The following CCSER1 variants were observed in gnomAD, a reference collection of about 807,000 sequenced individuals.
The protein encoded by CCSER1 is serine-rich coiled-coil domain-containing protein 1.
A neutral mutation model predicts 82.0 loss-of-function variants in CCSER1; 41 were observed. That is an observed-to-expected ratio of 0.50 (90% CI 0.39 to 0.65). The LOEUF (loss-of-function observed/expected upper bound fraction) is 0.65. Ranked by LOEUF, CCSER1 falls within the 30% of genes least tolerant of loss-of-function variation. The probability of loss-of-function intolerance (pLI) is 0.00; values close to 1 mark genes in which losing one functional copy is unlikely to be tolerated. For synonymous variants in CCSER1, 414 were observed against 383.9 expected (o/e 1.08, Z -0.92); for missense variants, 1,119 against 1,064.2 (o/e 1.05, Z -0.72).
chr4:91,194,478 G>A (rs1036649855), intron 10 of CCSER1, among the ~76,000 whole-genome samples: 2 of 152,092 alleles, frequency 1.3e-5, no homozygotes, highest in African/African-American at 4.8e-5. Flanking sequence ...TTTCAAATCT[G>A]AGTTAATAAT....
intron 10 of CCSER1, among the ~76,000 whole-genome samples, chr4:91,482,259 G>A (rs1374736485): frequency 5.8e-5 from 7 of 120,310 alleles, no homozygotes; most frequent in Admixed American, 2.5e-4. Context: ...AAAATTAGCC[G>A]GGCGCGGTGG....
intron 5 of CCSER1, among the ~76,000 whole-genome samples, chr4:90,603,189 A>G: frequency 6.6e-6 from 1 of 152,256 alleles, no homozygotes; most frequent in African/African-American, 2.4e-5. Context: ...AAGCGTATGC[A>G]GTGGCTGGAG....
chr4:90,699,429 T>C (rs1737604480), intron 6 of CCSER1, among the ~76,000 whole-genome samples: 1 of 152,094 alleles, frequency 6.6e-6, no homozygotes, highest in Non-Finnish European at 1.5e-5. Context: ...CAAGCAATGT[T>C]AATGGGCAGT....
At chr4:91,066,887 T>C (rs971764286) in intron 9 of CCSER1, among the ~76,000 whole-genome samples, 2 of 150,098 alleles carry the variant, frequency 1.3e-5, no homozygotes, top group African/African-American at 4.9e-5. Flanking sequence ...CCTGTCCCGC[T>C]GGGCGTGGTG....
chr4:90,594,555 C>G (rs1297518241), intron 5 of CCSER1, among the ~76,000 whole-genome samples: 1 of 152,044 alleles, frequency 6.6e-6, no homozygotes, highest in Admixed American at 6.6e-5. Flanking sequence ...ATTGGGGAAG[C>G]AGTGATTTTG....
At chr4:90,424,886 G>T (rs1354007025) in intron 4 of CCSER1, among the ~76,000 whole-genome samples, 1 of 152,170 alleles carries the variant, frequency 6.6e-6, no homozygotes, top group African/African-American at 2.4e-5. Context: ...TTTGTGAATA[G>T]CACCAACATC....
intron 10 of CCSER1, among the ~76,000 whole-genome samples, chr4:91,178,577 T>C (rs916835660): frequency 5.3e-5 from 8 of 152,170 alleles, no homozygotes; most frequent in African/African-American, 1.4e-4. Context: ...CTTCCTTCTC[T>C]TTTGATCTTT....
chr4:90,918,546 A>G (rs1727865757), intron 8 of CCSER1, among the ~76,000 whole-genome samples: 1 of 150,174 alleles, frequency 6.7e-6, no homozygotes, highest in African/African-American at 2.5e-5. Flanking sequence ...GTGCTTCCTC[A>G]GCGGCGTGTA....
At chr4:90,420,776 G>A (rs1182395784) in intron 4 of CCSER1, among the ~76,000 whole-genome samples, 1 of 152,000 alleles carries the variant, frequency 6.6e-6, no homozygotes, top group African/African-American at 2.4e-5. Flanking sequence ...ATTTCCTACT[G>A]ACATAAACTC....
intron 6 of CCSER1, among the ~76,000 whole-genome samples, chr4:90,657,408 A>G (rs1401331746): frequency 6.6e-6 from 1 of 151,916 alleles, no homozygotes; most frequent in African/African-American, 2.4e-5. Context: ...TGTTTATGTT[A>G]TTTACATCTG....
chr4:91,140,815 C>A (rs1029145583), intron 10 of CCSER1, among the ~76,000 whole-genome samples: 2 of 152,022 alleles, frequency 1.3e-5, no homozygotes, highest in Non-Finnish European at 1.5e-5. Context: ...TTTTAAATTT[C>A]AACTTTATTT....
intron 1 of CCSER1, among the ~76,000 whole-genome samples, chr4:90,151,728 T>C (rs968840551): frequency 6.6e-6 from 1 of 152,110 alleles, no homozygotes; most frequent in African/African-American, 2.4e-5. Context: ...TAGATTCTTT[T>C]CCATTTGTTC....
At chr4:91,583,357 A>G (rs1485056217) in intron 10 of CCSER1, among the ~76,000 whole-genome samples, 1 of 149,406 alleles carries the variant, frequency 6.7e-6, no homozygotes, top group East Asian at 2.0e-4. Context: ...AAATAGCTTC[A>G]TTCTTTTTTA....
intron 10 of CCSER1, among the ~76,000 whole-genome samples, chr4:91,468,030 C>A (rs1310196198): frequency 2.0e-5 from 3 of 152,272 alleles, no homozygotes; most frequent in Non-Finnish European, 4.4e-5. Context: ...ATAAATCATG[C>A]TGCTATAAAG....
chr4:91,256,148 G>A (rs1371300210), intron 10 of CCSER1, among the ~76,000 whole-genome samples: 4 of 152,012 alleles, frequency 2.6e-5, no homozygotes, highest in Non-Finnish European at 5.9e-5. Flanking sequence ...GGGTGGGGGG[G>A]CCCTCTAAAA....
At chr4:90,611,642 A>G (rs903785288) in intron 5 of CCSER1, among the ~76,000 whole-genome samples, 1 of 150,912 alleles carries the variant, frequency 6.6e-6, no homozygotes, top group Non-Finnish European at 1.5e-5. Flanking sequence ...CCTCTTAAGG[A>G]TATTTCTATA....
intron 10 of CCSER1, among the ~76,000 whole-genome samples, chr4:91,248,331 G>C (rs1414927457): frequency 6.6e-6 from 1 of 152,184 alleles, no homozygotes; most frequent in Non-Finnish European, 1.5e-5. Context: ...GCTGCACACA[G>C]GGATTTTCTC....
At chr4:90,180,840 T>C (rs147784417) in intron 1 of CCSER1, among the ~76,000 whole-genome samples, 1 of 152,236 alleles carries the variant, frequency 6.6e-6, no homozygotes, top group African/African-American at 2.4e-5. Flanking sequence ...CACTTCAAAA[T>C]GAACATCATA....
Position 91,599,196 on chromosome 4 carries a change from G to A in CCSER1, c.*139G>A. Reference sequence around the variant, plus strand: ...TTGTGTTGTTGGGTTTTTTTTCTTAGTCATAAACAAAGACTTGTGGGTTTT... The same window carrying A: ...TTGTGTTGTTGGGTTTTTTTTCTTAATCATAAACAAAGACTTGTGGGTTTT... On this transcript the variant is annotated 3_prime_UTR_variant, in exon 11 of 11. Coordinates refer to ENST00000509176, the MANE Select transcript of CCSER1 (RefSeq NM_001145065.2). 1 of 1,109,970 alleles carries A rather than the reference G, an allele frequency of 9.0e-7. No individual in the cohort carries two copies. Among genetic ancestry groups the A allele is most frequent in the East Asian group, 2.7e-5 (1 of 37,512 alleles). The allele number at this position is 1,109,970 out of a possible 1,614,324, so 68.8% of individuals were successfully genotyped here.
Sources: gnomAD v4.1 joint callset for allele counts (sites outside exome capture counted in the v4.1 genomes callset) on GRCh38, gnomAD v4.1.1 for gene constraint, MANE v1.5 for transcripts, NCBI Gene and HGNC (gene_info 2026-07-23, HGNC 2026-07-21) for gene names.